The following CPNE5 variants were observed in gnomAD, a reference collection of about 807,000 sequenced individuals.
CPNE5 encodes copine-5.
In CPNE5, 42 loss-of-function variants were observed where a neutral mutation model predicts 81.1. That is an observed-to-expected ratio of 0.52 (90% CI 0.40 to 0.67). CPNE5 has a LOEUF of 0.67. CPNE5 is among the 30% of genes least tolerant of loss of function. The pLI, the probability that CPNE5 is intolerant of heterozygous loss-of-function variation, is 0.00. For synonymous variants in CPNE5, 313 were observed against 321.5 expected (o/e 0.97, Z 0.28); for missense variants, 612 against 815.5 (o/e 0.75, Z 3.04).
At chr6:36,814,334 C>T (rs555482388) in intron 3 of CPNE5, among the ~76,000 whole-genome samples, 5 of 152,276 alleles carry the variant, frequency 3.3e-5, no homozygotes, top group East Asian at 3.9e-4. Context: ...AATGCAAGAT[C>T]GTAATTCAAC....
chr6:36,798,613 T>C lies in CPNE5; in HGVS notation c.288-119A>G, dbSNP rs112672404. ...AAAAAACAGGTCCCAACACAGTGAATATTTCTAGGAGTAATGGTTGGAAGA... is the reference window on the plus strand; with the variant it reads ...AAAAAACAGGTCCCAACACAGTGAACATTTCTAGGAGTAATGGTTGGAAGA... On this transcript the variant is annotated intron_variant, in intron 4 of 20. Transcript: ENST00000244751. The C allele has an allele frequency of 3.7e-6, 3 of 814,502 alleles. 1 individual carries two copies. The African/African-American group carries it at 5.1e-5, about 14-fold the overall frequency. 50.5% of individuals were successfully genotyped at this position (814,502 alleles called of 1,614,324 possible). A position where few individuals can be genotyped will look rare whatever the true frequency, so the allele number is the denominator to read the frequency against.
At position 36,763,100 on chromosome 6, in the gene CPNE5, T is replaced by A. The variant is rs543695756; in HGVS notation, c.780-108A>T. 22 of 956,530 alleles carry A rather than the reference T, an allele frequency of 2.3e-5. No homozygotes were observed. The East Asian group carries it at 5.3e-4, about 23-fold the overall frequency. The allele number at this position is 956,530 out of a possible 1,614,324, so 59.3% of individuals were successfully genotyped here. On this transcript the variant is annotated intron_variant, in intron 11 of 20. Coordinates refer to ENST00000244751, the MANE Select transcript of CPNE5 (RefSeq NM_020939.2). ...TTTGGCTCCCAATTCTACCTGGGAC[T>A]CCACTCCAGGGGCACACGCCAGCAG... is the stretch of plus-strand genomic sequence containing the variant.
intron 3 of CPNE5, among the ~76,000 whole-genome samples, chr6:36,816,434 A>G (rs12660067): frequency 0.11 from 16,077 of 152,290 alleles, 1,076 homozygotes; most frequent in East Asian, 0.29. Flanking sequence ...GGGCCACGAG[A>G]GCAGATTTCA....
At chr6:36,831,665 C>T (rs999602530) in intron 1 of CPNE5, among the ~76,000 whole-genome samples, 15 of 145,604 alleles carry the variant, frequency 1.0e-4, no homozygotes, top group African/African-American at 3.6e-4. Flanking sequence ...AAAGGCCTCT[C>T]AATAGCAAAT....
intron 3 of CPNE5, among the ~76,000 whole-genome samples, chr6:36,813,676 A>C (rs901165861): frequency 6.6e-5 from 10 of 151,986 alleles, no homozygotes; most frequent in African/African-American, 2.4e-4. Context: ...TGTTCACACC[A>C]CTCAAACTAC....
intron 3 of CPNE5, among the ~76,000 whole-genome samples, chr6:36,807,825 C>T (rs1409073933): frequency 6.6e-6 from 1 of 152,142 alleles, no homozygotes; most frequent in Admixed American, 6.5e-5. Context: ...CCCACAACAC[C>T]AGGGTCCTTA....
chr6:36,777,803 A>G (rs12209686), intron 9 of CPNE5, among the ~76,000 whole-genome samples: 26,119 of 116,394 alleles, frequency 0.22, 2,605 homozygotes, highest in South Asian at 0.3. Flanking sequence ...CACACACACA[A>G]TTTCAAGGGG....
At chr6:36,803,591 G>A (rs749758064) in intron 3 of CPNE5, among the ~76,000 whole-genome samples, 4 of 152,160 alleles carry the variant, frequency 2.6e-5, no homozygotes, top group African/African-American at 7.2e-5. Flanking sequence ...ATTTTGTGCC[G>A]TATGGATATT....
chr6:36,811,982 T>C (rs1006017771), intron 3 of CPNE5, among the ~76,000 whole-genome samples: 10 of 152,174 alleles, frequency 6.6e-5, no homozygotes, highest in Non-Finnish European at 1.3e-4. Flanking sequence ...CATATGCCTG[T>C]AATCCTAGTT....
Position 36,839,347 on chromosome 6 carries a change from T to A in CPNE5, c.31A>T (p.Ser11Cys). The A allele has an allele frequency of 1.3e-6, 2 of 1,553,748 alleles. No individual in the cohort carries two copies. Among genetic ancestry groups the A allele is most frequent in the Non-Finnish European group, 1.7e-6 (2 of 1,148,210 alleles). MEQPEDMASL[S>C]EFDSLAGSIP... ...CTGCCCGCCAAGGAGTCGAACTCGCTCAGCGACGCCATGTCCTCAGGCTGC... is the reference window on the plus strand; with the variant it reads ...CTGCCCGCCAAGGAGTCGAACTCGCACAGCGACGCCATGTCCTCAGGCTGC... The change falls in exon 1 of 21, where the codon AGC becomes TGC. Residue 11 changes from serine (S) to cysteine (C), a missense_variant. Transcript: ENST00000244751. This position sits in a 1 kb window ranked among gnomAD's most constrained non-coding sequence, Gnocchi z 7.3.
intron 3 of CPNE5, among the ~76,000 whole-genome samples, chr6:36,813,130 C>A (rs1771244979): frequency 6.6e-6 from 1 of 152,210 alleles, no homozygotes; most frequent in Non-Finnish European, 1.5e-5. Context: ...CACAAGACTG[C>A]AAATTATCTT....
chr6:36,762,325 T>C (rs1048544921), intron 12 of CPNE5, among the ~76,000 whole-genome samples: 20 of 141,680 alleles, frequency 1.4e-4, no homozygotes, highest in African/African-American at 5.4e-4. Flanking sequence ...CACACACGCA[T>C]GCGCACACAC....
chr6:36,791,575 C>T (rs544787672), intron 8 of CPNE5, among the ~76,000 whole-genome samples: 1 of 152,290 alleles, frequency 6.6e-6, no homozygotes, highest in African/African-American at 2.4e-5. Context: ...CATGCGTACG[C>T]ACAGACACAC....
intron 6 of CPNE5, among the ~76,000 whole-genome samples, chr6:36,794,885 G>A (rs1215561218): frequency 6.6e-6 from 1 of 152,180 alleles, no homozygotes; most frequent in Non-Finnish European, 1.5e-5. Context: ...TCCTGGGAAT[G>A]TTATTAATAG....
intron 6 of CPNE5, 74 bp downstream of exon 6, chr6:36,798,091 C>T (rs1243302922): frequency 6.8e-6 from 8 of 1,182,540 alleles, no homozygotes; most frequent in Non-Finnish European, 9.9e-6. Flanking sequence ...CTGCTTTGTC[C>T]CCATCCTGAG....
At position 36,742,223 on chromosome 6, in the gene CPNE5, C is replaced by T; in HGVS notation, c.*45G>A. ...GTCTGGGGCCCTGGCCTCCCATTCA[C>T]CTGGCCTCTCCCAGGCCCCAGCCAC... On this transcript the variant is annotated 3_prime_UTR_variant, in exon 21 of 21. Coordinates refer to ENST00000244751, the MANE Select transcript of CPNE5 (RefSeq NM_020939.2). The T allele has an allele frequency of 6.9e-7, 1 of 1,440,500 alleles. No homozygotes were observed. Among genetic ancestry groups the T allele is most frequent in the Non-Finnish European group, 9.4e-7 (1 of 1,058,904 alleles). The allele number at this position is 1,440,500 out of a possible 1,614,324, so 89.2% of individuals were successfully genotyped here. A position where few individuals can be genotyped will look rare whatever the true frequency, so the allele number is the denominator to read the frequency against.
At chr6:36,809,263 A>AGAGGAG (rs564876655) in intron 3 of CPNE5, among the ~76,000 whole-genome samples, 3 of 152,076 alleles carry the variant, frequency 2.0e-5, no homozygotes, top group African/African-American at 7.2e-5. Flanking sequence ...TGAGAGAGAG[A>AGAGGAG]GAGGAGGAGG....
intron 7 of CPNE5, among the ~76,000 whole-genome samples, chr6:36,793,454 T>G (rs886304178): frequency 2.6e-5 from 4 of 152,176 alleles, no homozygotes; most frequent in Non-Finnish European, 5.9e-5. Context: ...CATGATTTGT[T>G]TGCCCAGGGA....
At chr6:36,789,045 T>A (rs1377479091) in intron 8 of CPNE5, among the ~76,000 whole-genome samples, 1 of 152,250 alleles carries the variant, frequency 6.6e-6, no homozygotes, top group Non-Finnish European at 1.5e-5. Context: ...AATGCTGAGC[T>A]GGAAAGACGA....
Sources: gnomAD v4.1 joint callset for allele counts (sites outside exome capture counted in the v4.1 genomes callset) on GRCh38, gnomAD v4.1.1 for gene constraint, Gnocchi (gnomAD v3.1) non-coding constraint, MANE v1.5 for transcripts, NCBI Gene and HGNC (gene_info 2026-07-23, HGNC 2026-07-21) for gene names.